Variants in CAMK2D observed in about 807,000 individuals in gnomAD.
CAMK2D encodes the protein calcium/calmodulin dependent protein kinase II delta, also known as calcium/calmodulin-dependent protein kinase type II subunit delta.
In CAMK2D, 37 loss-of-function variants were observed where a neutral mutation model predicts 84.0. That is an observed-to-expected ratio of 0.44 (90% CI 0.34 to 0.58). CAMK2D has a LOEUF of 0.58. Among genes scored for constraint, CAMK2D ranks in the 20% least tolerant of loss-of-function variants. CAMK2D has a pLI of 0.02. For synonymous variants in CAMK2D, 202 were observed against 212.5 expected, an observed-to-expected ratio of 0.95 and a Z score of 0.43; for missense variants, 448 against 652.5, an observed-to-expected ratio of 0.69 and a Z score of 3.41.
intron 16 of CAMK2D, among the ~76,000 whole-genome samples, chr4:113,486,302 T>C (rs979659139): frequency 1.3e-5 from 2 of 151,946 alleles, no homozygotes; most frequent in African/African-American, 4.8e-5. Flanking sequence ...TAAATTCTTT[T>C]TTTGTAGAGA....
rs1392441380 is a variant in CAMK2D at position 113,594,686 on chromosome 4, T to C, written c.275+14466A>G. Among the ~76,000 whole-genome samples the C allele has an allele frequency of 3.3e-5, 5 of 152,016 alleles. No homozygotes were observed. In the South Asian group the frequency reaches 6.2e-4, roughly 19 times the overall value. ...AGACTAGACAGGGCTGAGAAAAGAATCTCTAAGCCTGAAGATATGACAATA... is the reference window on the plus strand; with the variant it reads ...AGACTAGACAGGGCTGAGAAAAGAACCTCTAAGCCTGAAGATATGACAATA... On this transcript the variant is annotated intron_variant, in intron 4 of 20. Transcript: ENST00000511664.
At chr4:113,504,432 CAGAA>C (rs1564688761) in intron 14 of CAMK2D, among the ~76,000 whole-genome samples, 1 of 152,116 alleles carries the variant, frequency 6.6e-6, no homozygotes, top group Non-Finnish European at 1.5e-5. Context: ...ACATAATAAA[CAGAA>C]AGCTCTAAAT....
chr4:113,606,342 C>T (rs187394109), intron 4 of CAMK2D, among the ~76,000 whole-genome samples: 2,511 of 151,860 alleles, frequency 0.017, 60 homozygotes, highest in African/African-American at 0.057. Context: ...TGGTGGCGCG[C>T]GCCTGTAATC....
chr4:113,671,177 A>C (rs1348278840), intron 2 of CAMK2D, among the ~76,000 whole-genome samples: 1 of 152,238 alleles, frequency 6.6e-6, no homozygotes. Context: ...TCCACAGGAA[A>C]ATTTTCCTTA....
chr4:113,621,243 A>G (rs1050303986), intron 3 of CAMK2D, among the ~76,000 whole-genome samples: 7 of 151,514 alleles, frequency 4.6e-5, no homozygotes, highest in Non-Finnish European at 2.9e-5. Flanking sequence ...TAAAGATACT[A>G]TATCTTCATA....
intron 3 of CAMK2D, among the ~76,000 whole-genome samples, chr4:113,621,110 C>T (rs369521280): frequency 1.7e-4 from 26 of 151,886 alleles, no homozygotes; most frequent in Non-Finnish European, 3.5e-4. Context: ...TTTGTAGAGA[C>T]GAGGTCTCAC....
rs534207359 is a variant in CAMK2D, at chr4:113,736,647, A to G, written c.160+22673T>C. Reference sequence around the variant, plus strand: ...ACAGCACTCCATATCACTGCAATGCAATGTACAGGGCATTTCATATTTGAA... The same window carrying G: ...ACAGCACTCCATATCACTGCAATGCGATGTACAGGGCATTTCATATTTGAA... On this transcript the variant is annotated intron_variant, in intron 2 of 20. Coordinates refer to ENST00000511664, the MANE Select transcript of CAMK2D (RefSeq NM_001321571.2). Among the ~76,000 whole-genome samples, 31 of 152,316 alleles carry G rather than the reference A, an allele frequency of 2.0e-4. 2 individuals are homozygous for G. The highest frequency in any genetic ancestry group is 7.5e-4 in the African/African-American group (31 of 41,582).
chr4:113,567,486 T>G (rs891429441), intron 4 of CAMK2D, among the ~76,000 whole-genome samples: 3 of 152,186 alleles, frequency 2.0e-5, no homozygotes, highest in African/African-American at 7.2e-5. Flanking sequence ...TCTTTTGATC[T>G]GACATCTATG....
chr4:113,493,690 G>A (rs2097880359), intron 16 of CAMK2D, among the ~76,000 whole-genome samples: 1 of 151,948 alleles, frequency 6.6e-6, no homozygotes, highest in Non-Finnish European at 1.5e-5. Context: ...ACGTTGGCCT[G>A]CCTTGCCAGA....
At chr4:113,518,213 C>T (rs187262805) in intron 8 of CAMK2D, among the ~76,000 whole-genome samples, 1 of 152,104 alleles carries the variant, frequency 6.6e-6, no homozygotes, top group East Asian at 1.9e-4. Context: ...ATACTTCAAG[C>T]CTTCTCAGTC....
At chr4:113,735,626 G>C (rs1157783259) in intron 2 of CAMK2D, among the ~76,000 whole-genome samples, 1 of 151,982 alleles carries the variant, frequency 6.6e-6, no homozygotes, top group East Asian at 1.9e-4. Context: ...ACAGGAGAAG[G>C]GTTATTATTC....
rs2097279876 is a variant in CAMK2D at position 113,454,355 on chromosome 4, G to C, written c.*190C>G. The C allele has an allele frequency of 5.5e-6, 3 of 543,618 alleles. No homozygotes were observed. The highest frequency in any genetic ancestry group is 6.9e-4 in the Middle Eastern group (2 of 2,892). 33.7% of individuals were successfully genotyped at this position (543,618 alleles called of 1,614,324 possible). A position where few individuals can be genotyped will look rare whatever the true frequency, so the allele number is the denominator to read the frequency against. On this transcript the variant is annotated 3_prime_UTR_variant, in exon 21 of 21. Transcript: ENST00000511664. ...TGAAGTGTAAACAATGTATAGGAAG[G>C]AATATATGATAAGATGATGCATCAC... is the stretch of plus-strand genomic sequence containing the variant.
intron 2 of CAMK2D, among the ~76,000 whole-genome samples, chr4:113,671,042 T>A (rs1311271999): frequency 6.6e-6 from 1 of 152,238 alleles, no homozygotes; most frequent in Non-Finnish European, 1.5e-5. Flanking sequence ...GGGATTTTGT[T>A]TTTCTTTTTT....
chr4:113,554,446 A>G (rs975214269), intron 4 of CAMK2D, among the ~76,000 whole-genome samples: 1 of 152,164 alleles, frequency 6.6e-6, no homozygotes, highest in African/African-American at 2.4e-5. Context: ...AAATCATAAT[A>G]GCTTTAGACA....
At chr4:113,737,728 T>C (rs113754658) in intron 2 of CAMK2D, among the ~76,000 whole-genome samples, 3 of 152,196 alleles carry the variant, frequency 2.0e-5, no homozygotes, top group African/African-American at 4.8e-5. Flanking sequence ...TAAGGCATAA[T>C]AGCATTTTTA....
intron 2 of CAMK2D, among the ~76,000 whole-genome samples, chr4:113,701,132 C>A (rs2099416268): frequency 6.6e-6 from 1 of 152,148 alleles, no homozygotes; most frequent in Non-Finnish European, 1.5e-5. Flanking sequence ...TTCTAAAGCA[C>A]TGTTTTCTTC....
intron 15 of CAMK2D, among the ~76,000 whole-genome samples, chr4:113,501,326 C>T (rs1404981633): frequency 7.0e-6 from 1 of 142,414 alleles, no homozygotes; most frequent in Non-Finnish European, 1.6e-5. Context: ...TAAATGTGCT[C>T]ATTAATAATG....
intron 15 of CAMK2D, among the ~76,000 whole-genome samples, chr4:113,500,929 A>G (rs114426609): frequency 6.6e-6 from 1 of 152,240 alleles, no homozygotes; most frequent in African/African-American, 2.4e-5. Flanking sequence ...TAATTAATCA[A>G]TAAAGAGTAC....
At chr4:113,692,609 CAT>C (rs959629630) in intron 2 of CAMK2D, among the ~76,000 whole-genome samples, 5 of 151,300 alleles carry the variant, frequency 3.3e-5, no homozygotes, top group South Asian at 4.2e-4. Flanking sequence ...TTCATACATA[CAT>C]ATAGTCACAC....
Sources: allele counts gnomAD v4.1 joint callset (sites outside exome capture counted in the v4.1 genomes callset), GRCh38; gene constraint gnomAD v4.1.1; transcripts MANE v1.5; gene names NCBI Gene and HGNC (gene_info 2026-07-23, HGNC 2026-07-21).